The following MGLL variants were observed in gnomAD, a reference collection of about 807,000 sequenced individuals.
The protein encoded by MGLL is monoglyceride lipase.
MGLL carries 7 observed loss-of-function variants against 29.1 expected under a neutral mutation model. That is an observed-to-expected ratio of 0.24 (90% CI 0.14 to 0.45). The LOEUF is 0.45. Among genes scored for constraint, MGLL ranks in the 20% least tolerant of loss-of-function variants. The probability of loss-of-function intolerance (pLI) is 0.99; values close to 1 mark genes in which losing one functional copy is unlikely to be tolerated. For missense variants in MGLL, 356 were observed against 413.6 expected (o/e 0.86, Z 1.21); for synonymous variants, 148 against 168.3 (o/e 0.88, Z 0.93).
chr3:127,751,231 T>G (rs1324789072), intron 3 of MGLL, among the ~76,000 whole-genome samples: 2 of 151,786 alleles, frequency 1.3e-5, no homozygotes, highest in Non-Finnish European at 2.9e-5. Context: ...TGGCTTCAAC[T>G]CCCCCTCCTC....
At position 127,821,978 on chromosome 3, in the gene MGLL, A is replaced by G. The variant is rs187647493; in HGVS notation, c.11-140T>C. On this transcript the variant is annotated intron_variant, in intron 1 of 7. Coordinates refer to ENST00000265052, the MANE Select transcript of MGLL (RefSeq NM_007283.7). ...CCCCTCTGTTTCAAAGGTTTAAAAC[A>G]TACATACATTTCTTGCAAACCTCTC... 15 of 918,648 alleles carry G rather than the reference A, an allele frequency of 1.6e-5. No homozygotes were observed. The East Asian group carries it at 2.9e-4, about 18-fold the overall frequency. The allele number at this position is 918,648 out of a possible 1,614,324, so 56.9% of individuals were successfully genotyped here. A position where few individuals can be genotyped will look rare whatever the true frequency, so the allele number is the denominator to read the frequency against.
chr3:127,788,013 G>A (rs1467140411), intron 2 of MGLL, among the ~76,000 whole-genome samples: 2 of 152,184 alleles, frequency 1.3e-5, no homozygotes, highest in East Asian at 1.9e-4. Flanking sequence ...CTCCTGCAGC[G>A]ACAGTGCACG....
At chr3:127,726,761 C>T (rs1445587758) in intron 3 of MGLL, among the ~76,000 whole-genome samples, 2 of 151,278 alleles carry the variant, frequency 1.3e-5, no homozygotes, top group African/African-American at 2.4e-5. Context: ...TCTTGCAAAC[C>T]TTCTGTGAAG....
At chr3:127,789,222 G>A (rs1360952030) in intron 2 of MGLL, among the ~76,000 whole-genome samples, 1 of 152,196 alleles carries the variant, frequency 6.6e-6, no homozygotes, top group Non-Finnish European at 1.5e-5. Flanking sequence ...ATGAGTGTGA[G>A]CAAAGCCCAG....
At chr3:127,786,059 T>C (rs1457638478) in intron 2 of MGLL, among the ~76,000 whole-genome samples, 2 of 152,062 alleles carry the variant, frequency 1.3e-5, no homozygotes, top group Non-Finnish European at 2.9e-5. Flanking sequence ...CAGAGCGCCA[T>C]GTGGAGGAGG....
intron 6 of MGLL, among the ~76,000 whole-genome samples, chr3:127,696,361 G>T: frequency 7.0e-6 from 1 of 142,480 alleles, no homozygotes; most frequent in Non-Finnish European, 1.5e-5. Flanking sequence ...GAATCTCTCA[G>T]GCCCATAGAG....
chr3:127,737,493 A>G (rs1181746528), intron 3 of MGLL, among the ~76,000 whole-genome samples: 1 of 151,510 alleles, frequency 6.6e-6, no homozygotes, highest in Non-Finnish European at 1.5e-5. Context: ...CACTGCCATG[A>G]TAAGGGTCAT....
Position 127,694,425 on chromosome 3 carries a change from A to G in MGLL, c.816+550T>C, listed in dbSNP as rs570305596. On this transcript the variant is annotated intron_variant, in intron 7 of 7. Transcript: ENST00000265052. ...TGTGTGTATATATATGTGTGTGTGTATATATATATAGTCTTGCTGTCTAAT... is the reference window on the plus strand; with the variant it reads ...TGTGTGTATATATATGTGTGTGTGTGTATATATATAGTCTTGCTGTCTAAT... Among the ~76,000 whole-genome samples, 21 of 150,552 alleles carry G rather than the reference A, an allele frequency of 1.4e-4. No homozygotes were observed. The East Asian group carries it at 2.0e-3, about 14-fold the overall frequency.
chr3:127,699,996 C>T (rs2075447773), intron 6 of MGLL, among the ~76,000 whole-genome samples: 1 of 152,222 alleles, frequency 6.6e-6, no homozygotes, highest in South Asian at 2.1e-4. Context: ...GCCCCTCCTT[C>T]CCTGCAATCT....
Position 127,695,002 on chromosome 3 carries a change from T to C in MGLL, c.789A>G (p.Leu263=), listed in dbSNP as rs866691516. 6.2e-7 allele frequency: 1 copy of C among 1,613,966 alleles called. No individual in the cohort carries two copies. Among genetic ancestry groups the C allele is most frequent in the African/African-American group, 1.3e-5 (1 of 75,014 alleles). The change falls in exon 7 of 8, where the codon TTA becomes TTG. Residue 263 remains leucine (L), a synonymous_variant. Coordinates refer to ENST00000265052, the MANE Select transcript of MGLL (RefSeq NM_007283.7). ...TGAGAGTCTTGTCCTGGCTCTTGGC[T>C]AACTCCATGAGCAGGTAGGCCCCTT... The part of the protein sequence containing the change: ...DSKGAYLLME[L]AKSQDKTLKI...
chr3:127,775,714 C>G (rs1380028787), intron 3 of MGLL, among the ~76,000 whole-genome samples: 3 of 152,264 alleles, frequency 2.0e-5, no homozygotes, highest in African/African-American at 7.2e-5. Flanking sequence ...GCTTCTCTGG[C>G]CCCAGCAAGT....
At chr3:127,742,237 T>C (rs1016045479) in intron 3 of MGLL, among the ~76,000 whole-genome samples, 7 of 152,206 alleles carry the variant, frequency 4.6e-5, no homozygotes, top group Non-Finnish European at 8.8e-5. Context: ...GTCCTTATTA[T>C]ATAATAGGTG....
rs370215802 is a variant in MGLL at position 127,692,281 on chromosome 3, C to T, written c.859G>A (p.Glu287Lys). 4 of 1,613,908 alleles carry T rather than the reference C, an allele frequency of 2.5e-6. No individual in the cohort carries two copies. In the African/African-American group the frequency reaches 4.0e-5, roughly 16 times the overall value. ...TCATGGAAGACGGAGTTGGTGACTT[C>T]AGGAAGCTCCTTGTGGAGAACATGG... is the stretch of plus-strand genomic sequence containing the variant. ...AYHVLHKELP[E>K]VTNSVFHEIN... is the part of the protein sequence containing the mutation. Residue 287 changes from glutamate to lysine, a missense_variant, in exon 8 of 8, where the codon GAA becomes AAA. By Grantham distance (56) the Glu-to-Lys change is moderately conservative. Transcript: ENST00000265052.
intron 2 of MGLL, among the ~76,000 whole-genome samples, chr3:127,783,446 C>T (rs1302477820): frequency 6.6e-6 from 1 of 152,194 alleles, no homozygotes; most frequent in East Asian, 1.9e-4. Flanking sequence ...ACCTTGACAT[C>T]AGCCCACAAC....
intron 5 of MGLL, 58 bp downstream of exon 5, chr3:127,720,984 AGGCTACAAATG>A: frequency 7.4e-7 from 1 of 1,354,292 alleles, no homozygotes; most frequent in Non-Finnish European, 1.1e-6. Context: ...ACATAGACTC[AGGCTACAAATG>A]GAAGACCCAT....
intron 2 of MGLL, among the ~76,000 whole-genome samples, chr3:127,815,697 C>CA (rs2077742238): frequency 6.6e-6 from 1 of 152,206 alleles, no homozygotes; most frequent in African/African-American, 2.4e-5. Flanking sequence ...GTAGGAGCTG[C>CA]GACCCAGCCC....
At chr3:127,775,714 C>T (rs1380028787) in intron 3 of MGLL, among the ~76,000 whole-genome samples, 1 of 152,264 alleles carries the variant, frequency 6.6e-6, no homozygotes, top group African/African-American at 2.4e-5. Flanking sequence ...GCTTCTCTGG[C>T]CCCAGCAAGT....
intron 7 of MGLL, among the ~76,000 whole-genome samples, chr3:127,692,874 T>A (rs917687712): frequency 2.6e-5 from 4 of 152,206 alleles, no homozygotes; most frequent in Non-Finnish European, 4.4e-5. Flanking sequence ...AGCCGGCAGA[T>A]CCTTCTCAGT....
At chr3:127,753,884 C>T (rs910418652) in intron 3 of MGLL, among the ~76,000 whole-genome samples, 19 of 152,204 alleles carry the variant, frequency 1.2e-4, no homozygotes, top group African/African-American at 4.6e-4. Context: ...AACACTCTTC[C>T]TTGGTGATGG....
Sources: allele counts gnomAD v4.1 joint callset (sites outside exome capture counted in the v4.1 genomes callset), GRCh38; gene constraint gnomAD v4.1.1; transcripts MANE v1.5; gene names NCBI Gene and HGNC (gene_info 2026-07-23, HGNC 2026-07-21).